ADCY2: variants seen among roughly 807,000 people sequenced by gnomAD.
ADCY2 encodes adenylate cyclase type 2.
A neutral mutation model predicts 125.2 loss-of-function variants in ADCY2; 31 were observed. That is an observed-to-expected ratio of 0.25 (90% CI 0.19 to 0.33). The LOEUF (loss-of-function observed/expected upper bound fraction) is 0.33, where lower values mean the gene tolerates loss of function less well. Ranked by LOEUF, ADCY2 falls within the 10% of genes least tolerant of loss-of-function variation. The probability of loss-of-function intolerance (pLI) is 1.00; values close to 1 mark genes in which losing one functional copy is unlikely to be tolerated. For missense variants in ADCY2, 904 were observed against 1,418.2 expected (o/e 0.64, Z 5.82); for synonymous variants, 512 against 548.4 (o/e 0.93, Z 0.93).
chr5:7,787,229 G>A (rs1744111803), intron 19 of ADCY2, among the ~76,000 whole-genome samples: 1 of 152,158 alleles, frequency 6.6e-6, no homozygotes, highest in African/African-American at 2.4e-5. Flanking sequence ...TGTCTCCTCT[G>A]CAGCACTGCC....
chr5:7,615,407 T>C (rs966400461), intron 3 of ADCY2, among the ~76,000 whole-genome samples: 4 of 152,182 alleles, frequency 2.6e-5, no homozygotes, highest in African/African-American at 9.7e-5. Context: ...CAAGCCATCT[T>C]TTTCAAGTGA....
chr5:7,695,157 G>A (rs1740847659), intron 5 of ADCY2, among the ~76,000 whole-genome samples: 1 of 152,210 alleles, frequency 6.6e-6, no homozygotes, highest in South Asian at 2.1e-4. Flanking sequence ...CACATAAAAA[G>A]CTCTGAGGAA....
intron 5 of ADCY2, among the ~76,000 whole-genome samples, chr5:7,694,180 AGAAG>A (rs1561171093): frequency 6.6e-6 from 1 of 152,212 alleles, no homozygotes; most frequent in Non-Finnish European, 1.5e-5. Context: ...TGGGCTTAGC[AGAAG>A]GAGCAGAGTA....
At chr5:7,742,802 CCT>C (rs1029531415) in intron 14 of ADCY2, among the ~76,000 whole-genome samples, 1 of 152,106 alleles carries the variant, frequency 6.6e-6, no homozygotes, top group African/African-American at 2.4e-5. Flanking sequence ...TTAGCCAAAT[CCT>C]CTGTTTCTTC....
chr5:7,757,624 C>T (rs772064629), intron 16 of ADCY2, 38 bp downstream of exon 16: 7 of 1,601,310 alleles, frequency 4.4e-6, no homozygotes, highest in Non-Finnish European at 4.3e-6. Context: ...ACATGGTAAG[C>T]CCCAGAGCAT....
intron 2 of ADCY2, among the ~76,000 whole-genome samples, chr5:7,468,356 T>A (rs1263497168): frequency 6.6e-6 from 1 of 152,174 alleles, no homozygotes; most frequent in Non-Finnish European, 1.5e-5. Context: ...GTGATGGACT[T>A]GGCTAGGCCA....
At chr5:7,560,998 T>G (rs996155885) in intron 3 of ADCY2, among the ~76,000 whole-genome samples, 9 of 152,182 alleles carry the variant, frequency 5.9e-5, no homozygotes, top group Non-Finnish European at 1.0e-4. Context: ...TGCTTATTCT[T>G]TCTTCTTAAA....
At chr5:7,810,945 A>T (rs1346721338) in intron 22 of ADCY2, among the ~76,000 whole-genome samples, 1 of 152,174 alleles carries the variant, frequency 6.6e-6, no homozygotes. Context: ...TTTCAAACAA[A>T]TTTTTCTAGG....
chr5:7,720,041 T>G (rs1741709493), intron 12 of ADCY2, among the ~76,000 whole-genome samples: 1 of 151,778 alleles, frequency 6.6e-6, no homozygotes, highest in African/African-American at 2.4e-5. Context: ...TTAGTGTAAA[T>G]AAGTAGGGAA....
In ADCY2 at chr5:7,618,421, C is replaced by A. The variant is rs368821443; in HGVS notation, c.571-7746C>A. 1.1e-4 allele frequency among the ~76,000 whole-genome samples: 16 copies of A among 152,254 alleles called. No homozygotes were observed. The East Asian group carries it at 2.7e-3, about 26-fold the overall frequency. The stretch of plus-strand genomic sequence containing the variant: ...ATAGCAATGCAACCTTCTCCTTGTA[C>A]CCACAAAACACATTTTCTCCCTTCT... On this transcript the variant is annotated intron_variant, in intron 3 of 24. Transcript: ENST00000338316.
At chr5:7,510,278 C>T (rs1995276) in intron 2 of ADCY2, among the ~76,000 whole-genome samples, 55,387 of 152,024 alleles carry the variant, frequency 0.36, 10,344 homozygotes, top group Non-Finnish European at 0.39. Flanking sequence ...ATTTAGTCAA[C>T]GTTTATTTAG....
intron 3 of ADCY2, among the ~76,000 whole-genome samples, chr5:7,573,593 CTTTTTTTTT>C (rs763347773): frequency 1.2e-5 from 1 of 86,376 alleles, no homozygotes; most frequent in Non-Finnish European, 2.4e-5. Flanking sequence ...GGTTGATTTT[CTTTTTTTTT>C]TTTTTTTTTT....
chr5:7,690,612 A>G (rs756570725), intron 4 of ADCY2, 79 bp from the exon 5 acceptor site: 161 of 1,298,674 alleles, frequency 1.2e-4, no homozygotes, highest in Non-Finnish European at 1.4e-4. Flanking sequence ...CCTACAAATC[A>G]GTGAGGATCT....
chr5:7,409,187 C>T (rs776825294), intron 1 of ADCY2, among the ~76,000 whole-genome samples: 16 of 152,058 alleles, frequency 1.1e-4, no homozygotes, highest in East Asian at 7.7e-4. Flanking sequence ...TATGAGAACA[C>T]GTGGACACAT....
intron 16 of ADCY2, among the ~76,000 whole-genome samples, chr5:7,759,023 G>A (rs1187676580): frequency 6.6e-6 from 1 of 152,152 alleles, no homozygotes; most frequent in African/African-American, 2.4e-5. Context: ...GACCCCAGAT[G>A]GGCCAAGCAC....
chr5:7,775,691 T>C (rs1238701386), intron 18 of ADCY2, among the ~76,000 whole-genome samples: 1 of 152,190 alleles, frequency 6.6e-6, no homozygotes, highest in Non-Finnish European at 1.5e-5. Context: ...GCACCCAGAC[T>C]TAGTTATTTT....
chr5:7,402,745 T>C (rs74466829), intron 1 of ADCY2, among the ~76,000 whole-genome samples: 2,610 of 152,312 alleles, frequency 0.017, 78 homozygotes, highest in African/African-American at 0.06. Flanking sequence ...AATTAAAATA[T>C]GTTGAGTAAA....
chr5:7,698,012 C>T (rs1242335211), intron 6 of ADCY2, among the ~76,000 whole-genome samples: 4 of 152,156 alleles, frequency 2.6e-5, no homozygotes, highest in Non-Finnish European at 5.9e-5. Context: ...AGAACATTCT[C>T]CCTTCTTTCT....
At chr5:7,756,096 G>T (rs1352081649) in intron 15 of ADCY2, among the ~76,000 whole-genome samples, 1 of 152,238 alleles carries the variant, frequency 6.6e-6, no homozygotes, top group African/African-American at 2.4e-5. Context: ...AGATAACAAT[G>T]TCAATCCCTG....
Sources: gnomAD v4.1 joint callset for allele counts (sites outside exome capture counted in the v4.1 genomes callset) on GRCh38, gnomAD v4.1.1 for gene constraint, MANE v1.5 for transcripts, NCBI Gene and HGNC (gene_info 2026-07-23, HGNC 2026-07-21) for gene names.